Variants in NRXN3 observed in about 807,000 individuals in gnomAD.
NRXN3 encodes the protein neurexin III.
NRXN3 carries 32 observed loss-of-function variants against 137.6 expected under a neutral mutation model. That is an observed-to-expected ratio of 0.23 (90% CI 0.18 to 0.31). The LOEUF is 0.31. Ranked by LOEUF, NRXN3 falls within the 10% of genes least tolerant of loss-of-function variation. The pLI is 1.00. For missense variants in NRXN3, 1,574 were observed against 2,062.5 expected (o/e 0.76, Z 4.59); for synonymous variants, 798 against 784.5 (o/e 1.02, Z -0.29).
chr14:78,172,488 T>G (rs1320664240), intron 1 of NRXN3, among the ~76,000 whole-genome samples: 1 of 152,212 alleles, frequency 6.6e-6, no homozygotes, highest in Non-Finnish European at 1.5e-5. Flanking sequence ...TCTTCGGGCT[T>G]AATCTGCCTA....
intron 15 of NRXN3, among the ~76,000 whole-genome samples, chr14:79,127,761 T>G (rs1177261494): frequency 6.6e-6 from 1 of 152,218 alleles, no homozygotes; most frequent in African/African-American, 2.4e-5. Flanking sequence ...GTAAATTACC[T>G]TGGGCAGTAT....
chr14:79,510,241 T>A (rs1043741123), intron 16 of NRXN3, among the ~76,000 whole-genome samples: 1 of 152,230 alleles, frequency 6.6e-6, no homozygotes, highest in Admixed American at 6.5e-5. Context: ...CGGGATTCGT[T>A]GAATTTGATG....
intron 18 of NRXN3, among the ~76,000 whole-genome samples, chr14:79,693,400 T>C (rs2098723386): frequency 6.6e-6 from 1 of 151,994 alleles, no homozygotes; most frequent in Non-Finnish European, 1.5e-5. Context: ...GTTTGCCCTG[T>C]TTTTAATGTA....
At chr14:79,569,628 T>A (rs868246963) in intron 16 of NRXN3, among the ~76,000 whole-genome samples, 161 of 147,104 alleles carry the variant, frequency 1.1e-3, no homozygotes, top group African/African-American at 3.9e-3. Flanking sequence ...TGTGTGTGTG[T>A]GTGAGAGAGA....
intron 15 of NRXN3, among the ~76,000 whole-genome samples, chr14:79,098,171 C>A (rs1160587277): frequency 6.6e-6 from 1 of 152,118 alleles, no homozygotes; most frequent in Non-Finnish European, 1.5e-5. Flanking sequence ...AATTAAAGCA[C>A]CCTGGCCATA....
At chr14:79,708,019 AT>A (rs2098788056) in intron 19 of NRXN3, among the ~76,000 whole-genome samples, 1 of 151,990 alleles carries the variant, frequency 6.6e-6, no homozygotes, top group African/African-American at 2.4e-5. Flanking sequence ...TATTTTTTCT[AT>A]ATCTCCCCTC....
chr14:78,956,095 A>G (rs2099396343), intron 10 of NRXN3, among the ~76,000 whole-genome samples: 1 of 152,180 alleles, frequency 6.6e-6, no homozygotes, highest in Non-Finnish European at 1.5e-5. Flanking sequence ...CCATAGGGAT[A>G]TATTAGCCAC....
chr14:78,281,598 C>T (rs1188552192), intron 3 of NRXN3, among the ~76,000 whole-genome samples: 2 of 152,144 alleles, frequency 1.3e-5, no homozygotes, highest in East Asian at 1.9e-4. Context: ...AATCCACATT[C>T]CCTGCTTGTA....
chr14:78,842,559 C>T (rs215509), intron 10 of NRXN3, among the ~76,000 whole-genome samples: 112,531 of 151,992 alleles, frequency 0.74, 44,651 homozygotes, highest in Non-Finnish European at 0.88. Flanking sequence ...GTTTCAGGCA[C>T]GCATTGTCAT....
intron 8 of NRXN3, among the ~76,000 whole-genome samples, chr14:78,793,440 C>T (rs1280904008): frequency 6.6e-6 from 1 of 152,076 alleles, no homozygotes; most frequent in African/African-American, 2.4e-5. Context: ...TCATAGGACC[C>T]AGAAATGAGA....
At chr14:79,714,299 T>C in intron 19 of NRXN3, among the ~76,000 whole-genome samples, 1 of 152,218 alleles carries the variant, frequency 6.6e-6, no homozygotes, top group East Asian at 1.9e-4. Context: ...TACATTTTAC[T>C]TCCATTGAAG....
intron 8 of NRXN3, among the ~76,000 whole-genome samples, chr14:78,775,376 C>A (rs1220356168): frequency 1.3e-5 from 2 of 152,196 alleles, no homozygotes; most frequent in South Asian, 4.1e-4. Context: ...ACTTGTCTAA[C>A]CTGTGGCCCA....
At chr14:78,811,752 G>A (rs1417055618) in intron 10 of NRXN3, among the ~76,000 whole-genome samples, 1 of 152,040 alleles carries the variant, frequency 6.6e-6, no homozygotes, top group Non-Finnish European at 1.5e-5. Flanking sequence ...CTTTTTGGGG[G>A]GCAAATGTTC....
intron 15 of NRXN3, among the ~76,000 whole-genome samples, chr14:79,430,294 G>T (rs528840197): frequency 6.6e-6 from 1 of 152,280 alleles, no homozygotes; most frequent in East Asian, 1.9e-4. Flanking sequence ...TGAGAATTTT[G>T]CTGTTCTGGA....
At chr14:79,848,406 C>T (rs1371702906) in intron 20 of NRXN3, among the ~76,000 whole-genome samples, 4 of 152,094 alleles carry the variant, frequency 2.6e-5, no homozygotes, top group Non-Finnish European at 5.9e-5. Context: ...TGAGTGTGGC[C>T]CAACACAAAT....
intron 19 of NRXN3, among the ~76,000 whole-genome samples, chr14:79,761,721 A>G (rs776465709): frequency 9.9e-5 from 15 of 150,882 alleles, no homozygotes; most frequent in Admixed American, 9.9e-4. Context: ...AGATCTCACT[A>G]GAAGTATTCT....
intron 15 of NRXN3, among the ~76,000 whole-genome samples, chr14:79,247,719 T>C (rs548122270): frequency 7.2e-5 from 11 of 152,262 alleles, no homozygotes; most frequent in Admixed American, 5.9e-4. Flanking sequence ...ACATTATGTA[T>C]GTAATTTATG....
At chr14:79,387,768 G>A (rs963732791) in intron 15 of NRXN3, among the ~76,000 whole-genome samples, 2 of 151,952 alleles carry the variant, frequency 1.3e-5, no homozygotes, top group East Asian at 1.9e-4. Flanking sequence ...GGAATACTAT[G>A]CAGCCATAAA....
intron 19 of NRXN3, among the ~76,000 whole-genome samples, chr14:79,775,434 TG>T (rs766758267): frequency 2.0e-5 from 3 of 151,384 alleles, no homozygotes; most frequent in African/African-American, 7.3e-5. Flanking sequence ...GGATATGGAT[TG>T]GGGGGCGTGA....
Sources: allele counts gnomAD v4.1 joint callset (sites outside exome capture counted in the v4.1 genomes callset), GRCh38; gene constraint gnomAD v4.1.1; transcripts MANE v1.5; gene names NCBI Gene and HGNC (gene_info 2026-07-23, HGNC 2026-07-21).